The following LRP1B variants were observed in gnomAD, a reference collection of about 807,000 sequenced individuals.
LRP1B encodes the protein low-density lipoprotein receptor-related protein 1B.
LRP1B carries 217 observed loss-of-function variants against 556.6 expected under a neutral mutation model. That is an observed-to-expected ratio of 0.39 (90% CI 0.35 to 0.44). LRP1B has a LOEUF of 0.44. Among genes scored for constraint, LRP1B ranks in the 20% least tolerant of loss-of-function variants. The pLI is 1.00. For missense variants in LRP1B, 5,053 were observed against 5,620.8 expected (o/e 0.90, Z 3.23); for synonymous variants, 2,047 against 1,865.8 (o/e 1.10, Z -2.50).
At chr2:141,906,569 A>T (rs1164777532) in intron 1 of LRP1B, among the ~76,000 whole-genome samples, 1 of 152,028 alleles carries the variant, frequency 6.6e-6, no homozygotes, top group Non-Finnish European at 1.5e-5. Flanking sequence ...AACTAAATAG[A>T]AATCTACCTC....
intron 1 of LRP1B, among the ~76,000 whole-genome samples, chr2:141,887,513 T>C (rs1699163928): frequency 1.3e-5 from 2 of 152,122 alleles, no homozygotes; most frequent in African/African-American, 4.8e-5. Context: ...ACATTTATCA[T>C]TTTTTGAAAA....
intron 3 of LRP1B, among the ~76,000 whole-genome samples, chr2:141,374,509 A>G (rs539533094): frequency 1.3e-5 from 2 of 152,264 alleles, no homozygotes; most frequent in East Asian, 3.9e-4. Context: ...GAATACCAAT[A>G]ATTCCTAAGT....
At chr2:141,555,135 C>T (rs895878747) in intron 2 of LRP1B, among the ~76,000 whole-genome samples, 2 of 151,956 alleles carry the variant, frequency 1.3e-5, no homozygotes, top group Admixed American at 1.3e-4. Flanking sequence ...GAGATATACA[C>T]ATACAGATGC....
chr2:140,828,084 C>T (rs953173785), intron 31 of LRP1B, among the ~76,000 whole-genome samples: 1 of 151,912 alleles, frequency 6.6e-6, no homozygotes, highest in East Asian at 1.9e-4. Flanking sequence ...AGGGAACTCG[C>T]AATCACTAGA....
At chr2:141,825,716 C>A (rs1046764246) in intron 1 of LRP1B, among the ~76,000 whole-genome samples, 1 of 152,234 alleles carries the variant, frequency 6.6e-6, no homozygotes, top group South Asian at 2.1e-4. Context: ...TTCTTCTCTA[C>A]AGTAGACACC....
chr2:140,747,700 A>C (rs1434569729), intron 35 of LRP1B, among the ~76,000 whole-genome samples: 1 of 152,104 alleles, frequency 6.6e-6, no homozygotes, highest in East Asian at 1.9e-4. Context: ...TAAGGTCTTA[A>C]ATCTCTTTCA....
At position 140,267,118 on chromosome 2, in the gene LRP1B, T is replaced by C. The variant is rs531756908; in HGVS notation, c.13247+3124A>G. Among the ~76,000 whole-genome samples the C allele has an allele frequency of 6.1e-4, 93 of 152,174 alleles. 1 individual carries two copies. Among genetic ancestry groups the C allele is most frequent in the Admixed American group, 3.2e-3 (49 of 15,234 alleles). ...ATGTGTAACAGTCTAACTTCACACATAAAATATGTGAAGGGTTTAACACAG... is the reference window on the plus strand; with the variant it reads ...ATGTGTAACAGTCTAACTTCACACACAAAATATGTGAAGGGTTTAACACAG... On this transcript the variant is annotated intron_variant, in intron 86 of 90. Coordinates refer to ENST00000389484, the MANE Select transcript of LRP1B (RefSeq NM_018557.3).
chr2:140,513,753 G>A (rs116464289), intron 51 of LRP1B, among the ~76,000 whole-genome samples: 1,604 of 152,120 alleles, frequency 0.011, 21 homozygotes, highest in African/African-American at 0.034. Flanking sequence ...AAATTTAAAA[G>A]AGGTGTTAAG....
chr2:140,890,111 AAAC>A (rs201469592), intron 23 of LRP1B, among the ~76,000 whole-genome samples: 7,237 of 152,018 alleles, frequency 0.048, 205 homozygotes, highest in East Asian at 0.1. Flanking sequence ...TAAAAAAAAA[AAAC>A]CCTAGTTCCA....
At chr2:141,983,252 C>T (rs1294091656) in intron 1 of LRP1B, among the ~76,000 whole-genome samples, 3 of 152,118 alleles carry the variant, frequency 2.0e-5, no homozygotes, top group Non-Finnish European at 4.4e-5. Context: ...ACCCTTTCCC[C>T]TTTCTCTGCT....
At chr2:140,257,068 T>A (rs1047089618) in intron 86 of LRP1B, among the ~76,000 whole-genome samples, 2 of 152,122 alleles carry the variant, frequency 1.3e-5, no homozygotes, top group African/African-American at 4.8e-5. Flanking sequence ...CAATTATTAA[T>A]CTATTTTTTA....
chr2:141,491,635 G>C (rs1465308342), intron 2 of LRP1B, among the ~76,000 whole-genome samples: 1 of 152,062 alleles, frequency 6.6e-6, no homozygotes, highest in Non-Finnish European at 1.5e-5. Flanking sequence ...CAAAATCAGA[G>C]AGTTCCACAC....
At chr2:141,098,422 C>T (rs1700374016) in intron 7 of LRP1B, among the ~76,000 whole-genome samples, 1 of 152,120 alleles carries the variant, frequency 6.6e-6, no homozygotes, top group Admixed American at 6.6e-5. Flanking sequence ...TGAAATGTCA[C>T]TGTTTTTATT....
chr2:140,563,845 C>A (rs138020109), intron 43 of LRP1B, among the ~76,000 whole-genome samples: 3 of 151,926 alleles, frequency 2.0e-5, no homozygotes, highest in African/African-American at 7.3e-5. Flanking sequence ...CATATTTTAC[C>A]GAATAGACAG....
chr2:141,417,985 T>C (rs983125128), intron 3 of LRP1B, among the ~76,000 whole-genome samples: 3 of 152,180 alleles, frequency 2.0e-5, no homozygotes, highest in African/African-American at 4.8e-5. Context: ...ATGAATGATA[T>C]TGTACATCTT....
At chr2:140,297,220 C>T (rs1418769690) in intron 84 of LRP1B, among the ~76,000 whole-genome samples, 1 of 151,998 alleles carries the variant, frequency 6.6e-6, no homozygotes, top group Non-Finnish European at 1.5e-5. Flanking sequence ...CGGCAGCTCT[C>T]TTTAGATGGT....
At chr2:140,371,085 A>T in intron 70 of LRP1B, 94 bp downstream of exon 70, 1 of 915,376 alleles carries the variant, frequency 1.1e-6, no homozygotes, top group Non-Finnish European at 1.6e-6. Flanking sequence ...AACCATGCTA[A>T]GAATCAAGAT....
intron 7 of LRP1B, among the ~76,000 whole-genome samples, chr2:141,074,171 G>A (rs1413268952): frequency 1.3e-5 from 2 of 151,730 alleles, no homozygotes; most frequent in African/African-American, 2.4e-5. Flanking sequence ...TCTATTTCTA[G>A]TACCTTGGCT....
chr2:140,725,898 A>T (rs1687577721), intron 35 of LRP1B, among the ~76,000 whole-genome samples: 1 of 152,012 alleles, frequency 6.6e-6, no homozygotes, highest in Non-Finnish European at 1.5e-5. Flanking sequence ...CATTGCCCTC[A>T]ACCTTAGCAA....
Sources: gnomAD v4.1 joint callset for allele counts (sites outside exome capture counted in the v4.1 genomes callset) on GRCh38, gnomAD v4.1.1 for gene constraint, MANE v1.5 for transcripts, NCBI Gene and HGNC (gene_info 2026-07-23, HGNC 2026-07-21) for gene names.